Variants in RSPO3 observed in about 807,000 individuals in gnomAD.
RSPO3 encodes the protein R-spondin-3.
RSPO3 carries 17 observed loss-of-function variants against 36.5 expected under a neutral mutation model. The observed-to-expected ratio is 0.47, with a 90% CI of 0.32 to 0.70. The LOEUF (loss-of-function observed/expected upper bound fraction) is 0.70, where lower values mean the gene tolerates loss of function less well. Ranked by LOEUF, RSPO3 falls within the 30% of genes least tolerant of loss-of-function variation. The pLI, the probability that RSPO3 is intolerant of heterozygous loss-of-function variation, is 0.04. For missense variants in RSPO3, 294 were observed against 322.5 expected (o/e 0.91, Z 0.68); for synonymous variants, 108 against 107.0 (o/e 1.01, Z -0.06).
intron 4 of RSPO3, among the ~76,000 whole-genome samples, chr6:127,178,905 C>A (rs1775122851): frequency 6.6e-6 from 1 of 151,820 alleles, no homozygotes; most frequent in Non-Finnish European, 1.5e-5. Context: ...ATAGGAAGAA[C>A]TGAAGCGGTG....
intron 4 of RSPO3, among the ~76,000 whole-genome samples, chr6:127,193,477 A>G (rs1442731683): frequency 6.6e-6 from 1 of 152,220 alleles, no homozygotes; most frequent in East Asian, 1.9e-4. Context: ...TTCCATAAAA[A>G]TAACATTTTG....
intron 1 of RSPO3, among the ~76,000 whole-genome samples, chr6:127,136,257 C>T (rs1008679637): frequency 2.6e-5 from 4 of 152,170 alleles, no homozygotes; most frequent in Non-Finnish European, 5.9e-5. Context: ...TGTTCATTGA[C>T]TGAGGAGTTG....
chr6:127,153,046 C>T (rs747341063), intron 3 of RSPO3, among the ~76,000 whole-genome samples: 3 of 152,074 alleles, frequency 2.0e-5, no homozygotes, highest in South Asian at 2.1e-4. Context: ...CTTGCCAATT[C>T]GGGAATCCCT....
chr6:127,164,618 T>C (rs1774777950), intron 4 of RSPO3, among the ~76,000 whole-genome samples: 1 of 152,038 alleles, frequency 6.6e-6, no homozygotes, highest in Non-Finnish European at 1.5e-5. Context: ...TGGAATTGAA[T>C]TGTGCAGGCT....
chr6:127,163,199 T>C (rs1156505252), intron 4 of RSPO3, among the ~76,000 whole-genome samples: 1 of 152,078 alleles, frequency 6.6e-6, no homozygotes, highest in African/African-American at 2.4e-5. Context: ...GCAAAGTAAA[T>C]ATTTCTCCAG....
At chr6:127,195,586 T>G (rs1300069875) in intron 4 of RSPO3, among the ~76,000 whole-genome samples, 1 of 152,194 alleles carries the variant, frequency 6.6e-6, no homozygotes, top group African/African-American at 2.4e-5. Context: ...AACAGAACTA[T>G]TTGGATTTCA....
chr6:127,142,820 G>C (rs1485466696), intron 1 of RSPO3, among the ~76,000 whole-genome samples: 1 of 150,772 alleles, frequency 6.6e-6, no homozygotes, highest in Non-Finnish European at 1.5e-5. Flanking sequence ...GTTTGTTTTT[G>C]TTTTTGTTTT....
chr6:127,180,507 A>AC (rs1562253020), intron 4 of RSPO3, among the ~76,000 whole-genome samples: 1 of 149,944 alleles, frequency 6.7e-6, no homozygotes, highest in Non-Finnish European at 1.5e-5. Context: ...AAAAAAAAAA[A>AC]AAAAAAAACC....
At chr6:127,154,464 C>A (rs774352648) in intron 3 of RSPO3, among the ~76,000 whole-genome samples, 5 of 152,156 alleles carry the variant, frequency 3.3e-5, no homozygotes, top group African/African-American at 4.8e-5. Context: ...ATCAGGTCAT[C>A]TTAGGAATCA....
At chr6:127,122,897 T>A (rs1158668590) in intron 1 of RSPO3, among the ~76,000 whole-genome samples, 1 of 152,122 alleles carries the variant, frequency 6.6e-6, no homozygotes, top group East Asian at 1.9e-4. Flanking sequence ...TCAGATGGCA[T>A]TTAGCATCCT....
intron 1 of RSPO3, among the ~76,000 whole-genome samples, chr6:127,126,966 A>G (rs1051413417): frequency 4.6e-5 from 7 of 152,026 alleles, no homozygotes; most frequent in African/African-American, 1.7e-4. Context: ...ATGGTATTAG[A>G]TCTAGTTACC....
chr6:127,138,293 A>C (rs951501430), intron 1 of RSPO3, among the ~76,000 whole-genome samples: 2 of 152,112 alleles, frequency 1.3e-5, no homozygotes, highest in African/African-American at 4.8e-5. Context: ...CTGTTTAAGT[A>C]GGTGTGTATC....
At chr6:127,159,805 C>T (rs1357116318) in intron 4 of RSPO3, among the ~76,000 whole-genome samples, 2 of 151,894 alleles carry the variant, frequency 1.3e-5, no homozygotes, top group Admixed American at 6.6e-5. Context: ...CACGCTGCCA[C>T]ACCTGGCTAA....
chr6:127,189,434 GA>G (rs1281394426), intron 4 of RSPO3, among the ~76,000 whole-genome samples: 1 of 152,014 alleles, frequency 6.6e-6, no homozygotes, highest in African/African-American at 2.4e-5. Flanking sequence ...CAGCAAAGTA[GA>G]TAAGTAAGCA....
rs1775524099 is a variant in RSPO3 at position 127,196,848 on chromosome 6, A to T, written c.*841A>T. On this transcript the variant is annotated 3_prime_UTR_variant, in exon 5 of 5. Transcript: ENST00000356698. ...TATTAGAAGAAAATTCTGATTTTATAGAAAAAAAATAGAGCAAGGAGAATA... is the reference window on the plus strand; with the variant it reads ...TATTAGAAGAAAATTCTGATTTTATTGAAAAAAAATAGAGCAAGGAGAATA... 1 of 152,774 alleles carries T rather than the reference A, an allele frequency of 6.5e-6. No homozygotes were observed. 9.5% of individuals were successfully genotyped at this position (152,774 alleles called of 1,614,324 possible). A position where few individuals can be genotyped will look rare whatever the true frequency, so the allele number is the denominator to read the frequency against.
chr6:127,147,066 G>A (rs913913466), intron 1 of RSPO3, among the ~76,000 whole-genome samples: 1 of 152,066 alleles, frequency 6.6e-6, no homozygotes, highest in Non-Finnish European at 1.5e-5. Context: ...AGCATGCACA[G>A]GAAAAGCAGA....
At chr6:127,174,828 G>A (rs547593150) in intron 4 of RSPO3, among the ~76,000 whole-genome samples, 14 of 151,800 alleles carry the variant, frequency 9.2e-5, no homozygotes, top group Admixed American at 8.5e-4. Context: ...ATTTTCATTT[G>A]AAGTACCCAT....
chr6:127,171,326 T>C (rs1015082815), intron 4 of RSPO3, among the ~76,000 whole-genome samples: 2 of 151,768 alleles, frequency 1.3e-5, no homozygotes, highest in Non-Finnish European at 2.9e-5. Context: ...GCAGAGGTTA[T>C]ATCAGATGTC....
intron 1 of RSPO3, among the ~76,000 whole-genome samples, chr6:127,130,371 T>G (rs548617654): frequency 6.6e-6 from 1 of 152,260 alleles, no homozygotes; most frequent in East Asian, 1.9e-4. Flanking sequence ...TCAGCACTCT[T>G]TTGAGCTTAG....
Sources: allele counts gnomAD v4.1 joint callset (sites outside exome capture counted in the v4.1 genomes callset), GRCh38; gene constraint gnomAD v4.1.1; transcripts MANE v1.5; gene names NCBI Gene and HGNC (gene_info 2026-07-23, HGNC 2026-07-21).